Variants in WWOX observed in about 807,000 individuals in gnomAD.
WWOX encodes the protein WW domain containing oxidoreductase, also known as WW domain-containing oxidoreductase.
A neutral mutation model predicts 46.2 loss-of-function variants in WWOX; 69 were observed. That is an observed-to-expected ratio of 1.49 (90% CI 1.23 to 1.82). The LOEUF is 1.82. Ranked by LOEUF, WWOX falls within the 40% of genes most tolerant of loss-of-function variation. WWOX has a pLI of 0.00. For synonymous variants in WWOX, 359 were observed against 202.6 expected, an observed-to-expected ratio of 1.77 and a Z score of -6.56; for missense variants, 919 against 542.6, an observed-to-expected ratio of 1.69 and a Z score of -6.89.
At chr16:78,113,463 T>C (rs1434852627) in intron 3 of WWOX, among the ~76,000 whole-genome samples, 1 of 152,216 alleles carries the variant, frequency 6.6e-6, no homozygotes, top group Admixed American at 6.5e-5. Flanking sequence ...CCAATAAAAC[T>C]TTATTTACAG....
chr16:78,861,399 G>A (rs1172072044), intron 8 of WWOX, among the ~76,000 whole-genome samples: 3 of 152,180 alleles, frequency 2.0e-5, no homozygotes, highest in Non-Finnish European at 2.9e-5. Context: ...ATTTACAGAA[G>A]TTGACAGAGA....
rs1348896618 is a variant in WWOX, at chr16:78,411,378, G to T, written c.606-13492G>T. Among the ~76,000 whole-genome samples the T allele has an allele frequency of 2.0e-5, 3 of 152,104 alleles. 1 individual carries two copies. Among genetic ancestry groups the T allele is most frequent in the Non-Finnish European group, 4.4e-5 (3 of 68,022 alleles). The stretch of plus-strand genomic sequence containing the variant: ...GGCTAATCAACGTGTTGATTAGAGG[G>T]AAATTTTCTTCAGTGAAATAATATT... On this transcript the variant is annotated intron_variant, in intron 6 of 8. Transcript: ENST00000566780.
At chr16:78,400,368 ACTC>A (rs2082382872) in intron 6 of WWOX, among the ~76,000 whole-genome samples, 2 of 151,786 alleles carry the variant, frequency 1.3e-5, no homozygotes, top group South Asian at 2.1e-4. Context: ...AGATCTGAAA[ACTC>A]CTGAGAGACT....
At chr16:78,581,148 C>T (rs933381936) in intron 8 of WWOX, among the ~76,000 whole-genome samples, 3 of 151,708 alleles carry the variant, frequency 2.0e-5, no homozygotes, top group Non-Finnish European at 2.9e-5. Context: ...GACATGACAC[C>T]GTATAACAAG....
intron 8 of WWOX, among the ~76,000 whole-genome samples, chr16:79,104,245 G>C (rs565052368): frequency 1.6e-4 from 24 of 152,192 alleles, no homozygotes; most frequent in African/African-American, 5.8e-4. Context: ...AGGGTTGCCT[G>C]TGTCTTATTT....
chr16:79,142,309 G>C (rs2050105216), intron 8 of WWOX, among the ~76,000 whole-genome samples: 1 of 152,180 alleles, frequency 6.6e-6, no homozygotes, highest in African/African-American at 2.4e-5. Context: ...GAGATGGGAA[G>C]TTAGAGTAGA....
At chr16:78,649,353 A>C (rs950337928) in intron 8 of WWOX, among the ~76,000 whole-genome samples, 1 of 151,842 alleles carries the variant, frequency 6.6e-6, no homozygotes, top group Non-Finnish European at 1.5e-5. Context: ...GTGCAATCCT[A>C]GCTTACTGCA....
At chr16:79,210,471 G>A (rs142860981) in intron 8 of WWOX, among the ~76,000 whole-genome samples, 117 of 152,260 alleles carry the variant, frequency 7.7e-4, no homozygotes, top group Non-Finnish European at 1.3e-3. Context: ...GGGTCGGGTC[G>A]GAAAGCCATT....
At chr16:78,574,337 C>T (rs528898518) in intron 8 of WWOX, among the ~76,000 whole-genome samples, 1 of 152,328 alleles carries the variant, frequency 6.6e-6, no homozygotes, top group African/African-American at 2.4e-5. Context: ...AAAGGGAGGA[C>T]ACTGCACAAT....
intron 8 of WWOX, among the ~76,000 whole-genome samples, chr16:78,667,545 C>G (rs182303041): frequency 6.6e-6 from 1 of 151,760 alleles, no homozygotes; most frequent in African/African-American, 2.4e-5. Context: ...GTGGCAGGCA[C>G]CTGTAGTCCC....
At chr16:79,068,698 C>G (rs2048488213) in intron 8 of WWOX, among the ~76,000 whole-genome samples, 1 of 151,784 alleles carries the variant, frequency 6.6e-6, no homozygotes. Flanking sequence ...GTGCTCCCAG[C>G]CACTCAGGAG....
At chr16:78,369,612 C>G (rs1475188826) in intron 5 of WWOX, among the ~76,000 whole-genome samples, 1 of 151,858 alleles carries the variant, frequency 6.6e-6, no homozygotes, top group East Asian at 1.9e-4. Context: ...GGGCAAAACT[C>G]AAAGAGGCAA....
intron 5 of WWOX, among the ~76,000 whole-genome samples, chr16:78,380,408 GAAGATGCTATAGGGATA>G (rs2081928213): frequency 6.6e-6 from 1 of 152,112 alleles, no homozygotes; most frequent in African/African-American, 2.4e-5. Flanking sequence ...TGCACCCTGC[GAAGATGCTATAGGGATA>G]AATAACTGCT....
At chr16:78,745,488 G>T (rs1420025374) in intron 8 of WWOX, among the ~76,000 whole-genome samples, 1 of 150,914 alleles carries the variant, frequency 6.6e-6, no homozygotes, top group Admixed American at 6.6e-5. Flanking sequence ...TTAGCGTTTG[G>T]GGGTCACTCC....
intron 8 of WWOX, among the ~76,000 whole-genome samples, chr16:78,541,551 T>C (rs1009930231): frequency 4.9e-5 from 7 of 144,168 alleles, no homozygotes; most frequent in East Asian, 2.2e-4. Flanking sequence ...CACTGAGATA[T>C]CTACAGTGCT....
chr16:78,883,887 A>G (rs1447568338), intron 8 of WWOX, among the ~76,000 whole-genome samples: 2 of 152,272 alleles, frequency 1.3e-5, no homozygotes, highest in East Asian at 1.9e-4. Context: ...ATTTAAAGGG[A>G]AAGAAAACCT....
In WWOX at chr16:78,261,804, A is replaced by C. The variant is rs893474734; in HGVS notation, c.516+97515A>C. ...TCTATCTATCTATATATATATATATATATATATATATATACTTATAATGTG... is the reference window on the plus strand; with the variant it reads ...TCTATCTATCTATATATATATATATCTATATATATATATACTTATAATGTG... On this transcript the variant is annotated intron_variant, in intron 5 of 8. Transcript: ENST00000566780. Among the ~76,000 whole-genome samples, 217 of 131,582 alleles carry C rather than the reference A, an allele frequency of 1.6e-3. 3 individuals carry two copies. Among genetic ancestry groups the C allele is most frequent in the Admixed American group, 4.4e-3 (57 of 13,066 alleles). The allele number at this position is 131,582 out of a possible 152,430, so 86.3% of individuals were successfully genotyped here.
rs1405671715 is a variant in WWOX at position 78,327,825 on chromosome 16, T to A, written c.517-59035T>A. ...CTCTTAGAGCACCCAGAGCTGGCTT[T>A]GGAAAGCAAGACATTAGGAATGAGC... On this transcript the variant is annotated intron_variant, in intron 5 of 8. Coordinates refer to ENST00000566780, the MANE Select transcript of WWOX (RefSeq NM_016373.4). 2.0e-5 allele frequency among the ~76,000 whole-genome samples: 3 copies of A among 151,890 alleles called. No homozygotes were observed. In the East Asian group the frequency reaches 5.8e-4, roughly 29 times the overall value.
At chr16:78,916,374 GATTA>G (rs1267399235) in intron 8 of WWOX, among the ~76,000 whole-genome samples, 1 of 152,138 alleles carries the variant, frequency 6.6e-6, no homozygotes, top group Non-Finnish European at 1.5e-5. Flanking sequence ...GTAAAGCTAT[GATTA>G]ATCCCCCAAA....
Sources: allele counts gnomAD v4.1 joint callset (sites outside exome capture counted in the v4.1 genomes callset), GRCh38; gene constraint gnomAD v4.1.1; transcripts MANE v1.5; gene names NCBI Gene and HGNC (gene_info 2026-07-23, HGNC 2026-07-21).